The following EPHA6 variants were observed in gnomAD, a reference collection of about 807,000 sequenced individuals.
EPHA6 encodes EPH receptor A6, also known as ephrin type-A receptor 6.
EPHA6 carries 50 observed loss-of-function variants against 112.0 expected under a neutral mutation model. The ratio of observed to expected loss-of-function variants is 0.45; its 90% CI spans 0.36 to 0.56. The LOEUF (loss-of-function observed/expected upper bound fraction) is 0.56. EPHA6 is among the 20% of genes least tolerant of loss of function. EPHA6 has a pLI of 0.00. For missense variants in EPHA6, 1,280 were observed against 1,417.4 expected (o/e 0.90, Z 1.56); for synonymous variants, 529 against 490.7 (o/e 1.08, Z -1.03).
intron 2 of EPHA6, among the ~76,000 whole-genome samples, chr3:96,978,514 T>C (rs920674640): frequency 1.3e-5 from 2 of 152,192 alleles, no homozygotes; most frequent in Admixed American, 1.3e-4. Context: ...CTTGAATCTA[T>C]CTTCTTGTTT....
At chr3:97,014,642 G>A (rs574302046) in intron 3 of EPHA6, among the ~76,000 whole-genome samples, 3 of 152,264 alleles carry the variant, frequency 2.0e-5, no homozygotes, top group South Asian at 4.1e-4. Context: ...TTAATGATCT[G>A]CCTGTGAATA....
At chr3:97,286,998 T>C (rs1469867586) in intron 5 of EPHA6, among the ~76,000 whole-genome samples, 1 of 150,996 alleles carries the variant, frequency 6.6e-6, no homozygotes, top group African/African-American at 2.4e-5. Context: ...TTTATGCAGC[T>C]GTTAAAAAAA....
rs1342576557 is a variant in EPHA6, at chr3:97,324,418, TTTC to T, written c.1606+80134_1606+80136del. Among the ~76,000 whole-genome samples the T allele has an allele frequency of 2.8e-3, 359 of 127,268 alleles. 4 individuals carry two copies. Among genetic ancestry groups the T allele is most frequent in the African/African-American group, 9.3e-3 (264 of 28,378 alleles). The allele number at this position is 127,268 out of a possible 152,430, so 83.5% of individuals were successfully genotyped here. A position where few individuals can be genotyped will look rare whatever the true frequency, so the allele number is the denominator to read the frequency against. The stretch of plus-strand genomic sequence containing the variant: ...TTGCTTTCCTTCTTTTCTTTCTTTC[TTTC>T]TTTCTTTCTTTCTTTCTTTCTTTCT... On this transcript the variant is annotated intron_variant, in intron 5 of 17. Coordinates refer to ENST00000389672, the MANE Select transcript of EPHA6 (RefSeq NM_001080448.3).
chr3:97,125,885 G>A (rs983260166), intron 3 of EPHA6, among the ~76,000 whole-genome samples: 5 of 152,044 alleles, frequency 3.3e-5, no homozygotes, highest in African/African-American at 9.7e-5. Context: ...TCTTTTTATT[G>A]TAATAAGGAC....
At chr3:97,336,348 C>T (rs1350283146) in intron 5 of EPHA6, among the ~76,000 whole-genome samples, 1 of 152,134 alleles carries the variant, frequency 6.6e-6, no homozygotes, top group Non-Finnish European at 1.5e-5. Context: ...ATCTCTTTCA[C>T]TGTAATAATT....
chr3:97,159,486 G>A (rs2076364236), intron 3 of EPHA6, among the ~76,000 whole-genome samples: 1 of 152,118 alleles, frequency 6.6e-6, no homozygotes, highest in Non-Finnish European at 1.5e-5. Context: ...ATAGTGAGTG[G>A]TGCTACTTCT....
chr3:97,092,645 C>T (rs765389237), intron 3 of EPHA6, among the ~76,000 whole-genome samples: 1 of 151,780 alleles, frequency 6.6e-6, no homozygotes, highest in African/African-American at 2.4e-5. Context: ...AAACTGGCTA[C>T]CAAGGTTATT....
intron 2 of EPHA6, among the ~76,000 whole-genome samples, chr3:96,918,837 A>G (rs1279941579): frequency 6.6e-6 from 1 of 151,990 alleles, no homozygotes; most frequent in Non-Finnish European, 1.5e-5. Context: ...GCTTAAAAGT[A>G]AATAAGTGAT....
chr3:97,020,898 T>C (rs1466992674), intron 3 of EPHA6, among the ~76,000 whole-genome samples: 1 of 151,376 alleles, frequency 6.6e-6, no homozygotes, highest in Non-Finnish European at 1.5e-5. Context: ...CTCAAAGTCA[T>C]CACCAAGGTT....
chr3:97,028,239 T>A (rs1257301382), intron 3 of EPHA6, among the ~76,000 whole-genome samples: 2 of 151,782 alleles, frequency 1.3e-5, no homozygotes, highest in African/African-American at 2.4e-5. Flanking sequence ...CTGCTTTAAT[T>A]TCCCTGGTGA....
At chr3:96,908,015 A>G (rs968285375) in intron 2 of EPHA6, among the ~76,000 whole-genome samples, 2 of 151,976 alleles carry the variant, frequency 1.3e-5, no homozygotes, top group African/African-American at 4.8e-5. Flanking sequence ...CATCTAGGCT[A>G]TATGATATAT....
intron 10 of EPHA6, among the ~76,000 whole-genome samples, chr3:97,513,077 C>T (rs191477094): frequency 2.2e-4 from 34 of 152,198 alleles, no homozygotes; most frequent in Admixed American, 2.2e-3. Context: ...CCATATTTTA[C>T]TAATGTTACA....
chr3:97,621,987 A>T (rs748980386), intron 13 of EPHA6, among the ~76,000 whole-genome samples: 24 of 151,894 alleles, frequency 1.6e-4, no homozygotes, highest in Non-Finnish European at 2.8e-4. Context: ...AATAAATCAA[A>T]TGCTAGTATG....
intron 14 of EPHA6, among the ~76,000 whole-genome samples, chr3:97,673,091 G>T (rs1440381147): frequency 1.3e-5 from 2 of 152,140 alleles, no homozygotes; most frequent in African/African-American, 4.8e-5. Context: ...ACTCTGTAGA[G>T]AATTCTCTTT....
intron 3 of EPHA6, among the ~76,000 whole-genome samples, chr3:97,062,812 A>G (rs2046063752): frequency 6.6e-6 from 1 of 152,198 alleles, no homozygotes; most frequent in East Asian, 1.9e-4. Context: ...CTGTGAGTCC[A>G]TTAAACCTCT....
At chr3:97,560,345 T>C in intron 11 of EPHA6, 1 of 152,036 alleles carries the variant, frequency 6.6e-6, no homozygotes, top group East Asian at 1.9e-4. Context: ...ATGGGTTTTG[T>C]TCAACAGATA....
intron 3 of EPHA6, among the ~76,000 whole-genome samples, chr3:97,003,578 C>A (rs1473906568): frequency 6.6e-6 from 1 of 152,096 alleles, no homozygotes; most frequent in Non-Finnish European, 1.5e-5. Context: ...TTGTAGGATA[C>A]AAATTAGGAT....
chr3:97,172,258 T>C (rs1444476710), intron 3 of EPHA6, among the ~76,000 whole-genome samples: 1 of 152,052 alleles, frequency 6.6e-6, no homozygotes, highest in Non-Finnish European at 1.5e-5. Flanking sequence ...CTATTTTCTG[T>C]CTCCTCTGGA....
rs527606955 is a variant in EPHA6 at position 97,190,867 on chromosome 3, T to TA, written c.1115-35388dup. ...ATGTACCCTAAAACTTAAAGTATAA[T>TA]AAAAAAAAAGTCTATTAGCAATTTT... On this transcript the variant is annotated intron_variant, in intron 3 of 17. Transcript: ENST00000389672. Among the ~76,000 whole-genome samples the TA allele has an allele frequency of 3.0e-3, 449 of 150,784 alleles. 1 individual carries two copies. The highest frequency in any genetic ancestry group is 8.5e-3 in the African/African-American group (351 of 41,138).
Sources: allele counts gnomAD v4.1 joint callset (sites outside exome capture counted in the v4.1 genomes callset), GRCh38; gene constraint gnomAD v4.1.1; transcripts MANE v1.5; gene names NCBI Gene and HGNC (gene_info 2026-07-23, HGNC 2026-07-21).